The following NTRK2 variants were observed in gnomAD, a reference collection of about 807,000 sequenced individuals.
NTRK2 encodes neurotrophic receptor tyrosine kinase 2, also known as BDNF/NT-3 growth factors receptor.
A neutral mutation model predicts 94.5 loss-of-function variants in NTRK2; 13 were observed. That is an observed-to-expected ratio of 0.14 (90% CI 0.09 to 0.22). The LOEUF (loss-of-function observed/expected upper bound fraction) is 0.22. Ranked by LOEUF, NTRK2 falls within the 10% of genes least tolerant of loss-of-function variation. The pLI, the probability that NTRK2 is intolerant of heterozygous loss-of-function variation, is 1.00. For missense variants in NTRK2, 639 were observed against 1,071.2 expected (o/e 0.60, Z 5.63); for synonymous variants, 372 against 407.4 (o/e 0.91, Z 1.05).
At chr9:84,924,054 A>G (rs187417947) in intron 14 of NTRK2, among the ~76,000 whole-genome samples, 66 of 152,140 alleles carry the variant, frequency 4.3e-4, no homozygotes, top group East Asian at 1.4e-3. Context: ...AGAGACCTCA[A>G]TGGAGGTTTA....
At chr9:84,809,882 G>A (rs1472322235) in intron 12 of NTRK2, among the ~76,000 whole-genome samples, 38 of 118,732 alleles carry the variant, frequency 3.2e-4, no homozygotes, top group South Asian at 5.8e-4. Context: ...ACTCTGTCTG[G>A]AAAAAAAAAA....
At chr9:84,961,720 T>C (rs980854613) in intron 17 of NTRK2, among the ~76,000 whole-genome samples, 5 of 152,210 alleles carry the variant, frequency 3.3e-5, no homozygotes, top group African/African-American at 1.2e-4. Context: ...AGGCTCTACT[T>C]TGAGGAGTTC....
At chr9:84,855,756 A>G (rs900579438) in intron 12 of NTRK2, among the ~76,000 whole-genome samples, 1 of 152,066 alleles carries the variant, frequency 6.6e-6, no homozygotes, top group African/African-American at 2.4e-5. Flanking sequence ...GATGCATTCT[A>G]CTCTGTCTAC....
At position 84,820,153 on chromosome 9, in the gene NTRK2, T is replaced by TTTTCTTTC. The variant is rs1011292310; in HGVS notation, c.1397-40875_1397-40868dup. 9.3e-5 allele frequency among the ~76,000 whole-genome samples: 14 copies of TTTTCTTTC among 150,962 alleles called. No homozygotes were observed. In the South Asian group the frequency reaches 1.7e-3, roughly 18 times the overall value. On this transcript the variant is annotated intron_variant, in intron 12 of 18. Transcript: ENST00000277120. ...AACTTAACTACTAATAGCTTACTTT[T>TTTTCTTTC]TTTCTTTCTTTCTTTCTTTTTTTTT...
At chr9:84,818,617 C>T (rs2072578570) in intron 12 of NTRK2, among the ~76,000 whole-genome samples, 1 of 152,200 alleles carries the variant, frequency 6.6e-6, no homozygotes, top group Non-Finnish European at 1.5e-5. Flanking sequence ...AATTAGTTAA[C>T]CCCAGAGCAC....
intron 12 of NTRK2, among the ~76,000 whole-genome samples, chr9:84,763,949 C>T (rs554431466): frequency 2.7e-4 from 41 of 152,080 alleles, no homozygotes; most frequent in Non-Finnish European, 5.9e-4. Flanking sequence ...GAATGTCCCT[C>T]ATTCTGTCTC....
chr9:84,723,122 GC>G (rs1376014248), intron 6 of NTRK2, among the ~76,000 whole-genome samples: 2 of 152,098 alleles, frequency 1.3e-5, no homozygotes, highest in Admixed American at 1.3e-4. Context: ...ACAGATTTTT[GC>G]AAAAACAAAA....
intron 12 of NTRK2, among the ~76,000 whole-genome samples, chr9:84,853,715 G>A (rs753297194): frequency 1.6e-4 from 25 of 152,088 alleles, no homozygotes; most frequent in Non-Finnish European, 3.4e-4. Context: ...CCCCCTGCCC[G>A]TGTCCTCTCA....
At chr9:84,886,572 A>C (rs1157578129) in intron 14 of NTRK2, among the ~76,000 whole-genome samples, 4 of 152,184 alleles carry the variant, frequency 2.6e-5, no homozygotes, top group Non-Finnish European at 4.4e-5. Context: ...ACACAGGCAC[A>C]TTCTCTTTTT....
chr9:84,989,052 C>T (rs889627905), intron 17 of NTRK2, among the ~76,000 whole-genome samples: 5 of 152,200 alleles, frequency 3.3e-5, no homozygotes, highest in African/African-American at 1.2e-4. Context: ...TATCCCGAAT[C>T]AGAGAACACA....
At position 84,810,621 on chromosome 9, in the gene NTRK2, G is replaced by C. The variant is rs1049271379; in HGVS notation, c.1397-50419G>C. The C allele has an allele frequency of 3.1e-6, 5 of 1,613,604 alleles. No homozygotes were observed. The African/African-American group carries it at 6.7e-5, about 22-fold the overall frequency. The stretch of plus-strand genomic sequence containing the variant: ...GACAGAGAAAGGGGCTGTGGTGCTT[G>C]TTGGTTGATGCTGCCATGTAAGCTG... On this transcript the variant is annotated intron_variant, in intron 12 of 18. Coordinates refer to ENST00000277120, the MANE Select transcript of NTRK2 (RefSeq NM_006180.6).
intron 14 of NTRK2, among the ~76,000 whole-genome samples, chr9:84,926,112 T>TC (rs1422119384): frequency 5.2e-4 from 22 of 41,950 alleles, no homozygotes; most frequent in African/African-American, 1.5e-3. Context: ...TTCCTTTCCT[T>TC]CCTTCCTTCC....
At chr9:85,001,909 T>A (rs1343965307) in intron 17 of NTRK2, among the ~76,000 whole-genome samples, 1 of 152,212 alleles carries the variant, frequency 6.6e-6, no homozygotes, top group Non-Finnish European at 1.5e-5. Context: ...AGGGGACAAT[T>A]GAAAACGCCC....
Position 85,024,742 on chromosome 9 carries a change from A to G in NTRK2, c.*3305A>G. The G allele has an allele frequency of 4.3e-6, 1 of 233,198 alleles. No homozygotes were observed. The highest frequency in any genetic ancestry group is 8.5e-6 in the Non-Finnish European group (1 of 117,992). The allele number at this position is 233,198 out of a possible 1,614,324, so 14.4% of individuals were successfully genotyped here. ...AACTGAGATATTGTGATATATAATCATGCTCTTAGCTTCAGCTAAATTCAG... is the reference window on the plus strand; with the variant it reads ...AACTGAGATATTGTGATATATAATCGTGCTCTTAGCTTCAGCTAAATTCAG... On this transcript the variant is annotated 3_prime_UTR_variant, in exon 19 of 19. Coordinates refer to ENST00000277120, the MANE Select transcript of NTRK2 (RefSeq NM_006180.6).
intron 15 of NTRK2, among the ~76,000 whole-genome samples, chr9:84,942,310 G>C (rs901277182): frequency 5.9e-5 from 9 of 152,224 alleles, no homozygotes; most frequent in Non-Finnish European, 1.0e-4. Context: ...GAATTTGATA[G>C]ACACTTCCTC....
At chr9:84,877,675 C>T (rs1384479266) in intron 14 of NTRK2, 3 of 1,063,444 alleles carry the variant, frequency 2.8e-6, no homozygotes, top group Non-Finnish European at 3.4e-6. Context: ...TTTCCCTCTC[C>T]CACATTTCAT....
At chr9:84,841,644 C>T (rs982384776) in intron 12 of NTRK2, among the ~76,000 whole-genome samples, 1 of 152,130 alleles carries the variant, frequency 6.6e-6, no homozygotes, top group African/African-American at 2.4e-5. Flanking sequence ...CTTCCCTAAC[C>T]ATTGTTTTCA....
intron 17 of NTRK2, among the ~76,000 whole-genome samples, chr9:85,005,377 C>G (rs1830840798): frequency 1.3e-5 from 2 of 152,202 alleles, no homozygotes; most frequent in Non-Finnish European, 2.9e-5. Context: ...ATCTTGGACC[C>G]TGATTCTGAC....
intron 17 of NTRK2, among the ~76,000 whole-genome samples, chr9:85,004,662 C>CA (rs1338187159): frequency 6.6e-5 from 10 of 151,514 alleles, no homozygotes; most frequent in South Asian, 6.3e-4. Flanking sequence ...GGAAGATGCA[C>CA]AAAAAAAAGA....
Sources: allele counts gnomAD v4.1 joint callset (sites outside exome capture counted in the v4.1 genomes callset), GRCh38; gene constraint gnomAD v4.1.1; transcripts MANE v1.5; gene names NCBI Gene and HGNC (gene_info 2026-07-23, HGNC 2026-07-21).